Variants in MADD observed in about 807,000 individuals in gnomAD.
MADD encodes the protein MAP kinase-activating death domain protein.
In MADD, 109 loss-of-function variants were observed where a neutral mutation model predicts 176.7. The ratio of observed to expected loss-of-function variants is 0.62; its 90% CI spans 0.53 to 0.72. The LOEUF is 0.72. Among genes scored for constraint, MADD ranks in the 30% least tolerant of loss-of-function variants. MADD has a pLI of 0.00. For synonymous variants in MADD, 771 were observed against 771.3 expected, an observed-to-expected ratio of 1.00 and a Z score of 0.01; for missense variants, 1,914 against 2,045.5, an observed-to-expected ratio of 0.94 and a Z score of 1.24.
At chr11:47,289,966 C>T (rs145803990) in exon 17 of MADD, 41 of 1,614,060 alleles carry the variant, frequency 2.5e-5, no homozygotes, top group Admixed American at 5.0e-5. Flanking sequence ...TGCTGGAGAG[C>T]GAGCAGCTGC....
intron 20 of MADD, 114 bp downstream of exon 22, chr11:47,294,097 C>G (rs1393206757): frequency 2.3e-6 from 2 of 880,304 alleles, no homozygotes; most frequent in Non-Finnish European, 3.5e-6. Flanking sequence ...TGCTTGTAAT[C>G]CCAGCACTTT....
At chr11:47,328,533 A>T in intron 31 of MADD, 125 bp from the exon 36 acceptor site, 2 of 1,536,916 alleles carry the variant, frequency 1.3e-6, no homozygotes, top group Non-Finnish European at 1.8e-6. Flanking sequence ...AAGCTGCTGC[A>T]GCCACTGTGA....
chr11:47,271,863 G>A (rs937498997), intron 1 of MADD: 1 of 151,956 alleles, frequency 6.6e-6, no homozygotes, highest in Non-Finnish European at 1.5e-5. Flanking sequence ...AGCTGAGTGC[G>A]GCTCTGTTAT....
chr11:47,311,598 C>A, intron 25 of MADD, 134 bp from the exon 29 acceptor site: 1 of 628,182 alleles, frequency 1.6e-6, no homozygotes, highest in East Asian at 2.7e-5. Context: ...AGTTTTCTCC[C>A]ATGTTCAGTG....
chr11:47,285,409 G>T, intron 13 of MADD, 42 bp from the exon 14 acceptor site: 1 of 1,612,740 alleles, frequency 6.2e-7, no homozygotes, highest in African/African-American at 1.3e-5. Context: ...CCAAGATCAG[G>T]TACCCCTGCC....
intron 15 of MADD, among the ~76,000 whole-genome samples, chr11:47,286,956 C>A (rs897873499): frequency 6.6e-6 from 1 of 152,180 alleles, no homozygotes; most frequent in Non-Finnish European, 1.5e-5. Context: ...TCACCTCTCA[C>A]GCACTCATAA....
At chr11:47,304,896 G>A (rs953679088) in intron 22 of MADD, among the ~76,000 whole-genome samples, 15 of 152,128 alleles carry the variant, frequency 9.9e-5, no homozygotes, top group African/African-American at 7.2e-5. Context: ...GGCTTTCATA[G>A]AGAAAGACTT....
chr11:47,283,692 C>T (rs1446228155), intron 10 of MADD, among the ~76,000 whole-genome samples: 1 of 152,220 alleles, frequency 6.6e-6, no homozygotes, highest in Non-Finnish European at 1.5e-5. Context: ...TTGCCCCAGC[C>T]ACCCGAGTAG....
At chr11:47,277,497 A>G (rs1045681554) in intron 5 of MADD, among the ~76,000 whole-genome samples, 16 of 152,086 alleles carry the variant, frequency 1.1e-4, no homozygotes, top group African/African-American at 3.6e-4. Context: ...GGGTTTCACC[A>G]TGTTGGCTGG....
chr11:47,324,640 A>T, intron 30 of MADD, 63 bp downstream of exon 33: 4 of 1,105,150 alleles, frequency 3.6e-6, no homozygotes, highest in Non-Finnish European at 5.4e-6. Flanking sequence ...CCAATGTCCA[A>T]GCCCCCAGTA....
chr11:47,289,511 T>C lies in MADD; in HGVS notation c.2756+18T>C. ...AATTCTAGGTAATAAATGGTAGAGC[T>C]GTTTTAAAAGTTCTCAGGCAGAGGT... On this transcript the variant is annotated intron_variant, in intron 16 of 32. Transcript: ENST00000402192. 1.2e-6 allele frequency: 2 copies of C among 1,608,782 alleles called. No individual in the cohort carries two copies. The highest frequency in any genetic ancestry group is 1.7e-6 in the Non-Finnish European group (2 of 1,175,078).
chr11:47,315,309 A>G (rs757530973), exon 27 of MADD: 1 of 1,612,896 alleles, frequency 6.2e-7, no homozygotes, highest in South Asian at 1.1e-5. Flanking sequence ...ATACAAACGG[A>G]GATATCTTTT....
At chr11:47,281,257 TG>T (rs1471008450) in intron 7 of MADD, among the ~76,000 whole-genome samples, 1 of 152,248 alleles carries the variant, frequency 6.6e-6, no homozygotes, top group Non-Finnish European at 1.5e-5. Flanking sequence ...AAACATTTAA[TG>T]ACTATAATAA....
chr11:47,295,531 A>G (rs143711042), exon 21 of MADD: 2 of 1,614,086 alleles, frequency 1.2e-6, no homozygotes, highest in South Asian at 2.2e-5. Context: ...GCGTGAGTCC[A>G]GCTGTTATGA....
At chr11:47,287,869 C>T (rs1311181097) in intron 15 of MADD, among the ~76,000 whole-genome samples, 1 of 142,812 alleles carries the variant, frequency 7.0e-6, no homozygotes, top group Non-Finnish European at 1.5e-5. Flanking sequence ...TGCCTCACTG[C>T]AAGCTCCGCC....
Position 47,325,113 on chromosome 11 carries a change from T to C in MADD, c.4542+536T>C. 4.1e-6 allele frequency: 1 copy of C among 246,256 alleles called. No homozygotes were observed. Among genetic ancestry groups the C allele is most frequent in the Non-Finnish European group, 8.0e-6 (1 of 125,570 alleles). The allele number at this position is 246,256 out of a possible 1,614,324, so 15.3% of individuals were successfully genotyped here. ...CGGATTCTTCTTCCTGTTCTTTTCCTTCCTCTGAGTGTTCCCACTCTGTCC... is the reference window on the plus strand; with the variant it reads ...CGGATTCTTCTTCCTGTTCTTTTCCCTCCTCTGAGTGTTCCCACTCTGTCC... On this transcript the variant is annotated intron_variant, in intron 30 of 32. Transcript: ENST00000402192. This position sits in a 1 kb window ranked among gnomAD's most constrained non-coding sequence, Gnocchi z 4.5.
intron 23 of MADD, 54 bp from the exon 26 acceptor site, chr11:47,308,926 C>T: frequency 1.3e-6 from 2 of 1,543,020 alleles, no homozygotes; most frequent in Non-Finnish European, 9.0e-7. Context: ...GCCTTTCTGT[C>T]TTCCTTTCTT....
chr11:47,290,772 T>C, exon 19 of MADD: 2 of 1,613,730 alleles, frequency 1.2e-6, no homozygotes, highest in Non-Finnish European at 1.7e-6. Context: ...CCTAAGGAAC[T>C]GGACACCAGA....
At chr11:47,314,119 T>C (rs1224334331) in intron 26 of MADD, among the ~76,000 whole-genome samples, 1 of 151,910 alleles carries the variant, frequency 6.6e-6, no homozygotes, top group Non-Finnish European at 1.5e-5. Context: ...CATGCACCTG[T>C]AGTCCCAGCT....
Sources: allele counts gnomAD v4.1 joint callset (sites outside exome capture counted in the v4.1 genomes callset), GRCh38; gene constraint gnomAD v4.1.1; non-coding constraint Gnocchi (gnomAD v3.1); transcripts MANE v1.5; gene names NCBI Gene and HGNC (gene_info 2026-07-23, HGNC 2026-07-21).